Variants in CTNND2 observed in about 807,000 individuals in gnomAD.
CTNND2 encodes catenin delta 2, also known as catenin delta-2.
Under a neutral mutation model 144.4 loss-of-function variants are expected in CTNND2, and 22 were observed. That is an observed-to-expected ratio of 0.15 (90% CI 0.11 to 0.22). The LOEUF (loss-of-function observed/expected upper bound fraction) is 0.22, where lower values mean the gene tolerates loss of function less well. Among genes scored for constraint, CTNND2 ranks in the 10% least tolerant of loss-of-function variants. The pLI, the probability that CTNND2 is intolerant of heterozygous loss-of-function variation, is 1.00. For missense variants in CTNND2, 1,353 were observed against 1,618.8 expected, an observed-to-expected ratio of 0.84 and a Z score of 2.82; for synonymous variants, 751 against 695.6, an observed-to-expected ratio of 1.08 and a Z score of -1.25.
chr5:11,573,072 T>G (rs1250662748), intron 2 of CTNND2, among the ~76,000 whole-genome samples: 1 of 152,196 alleles, frequency 6.6e-6, no homozygotes, highest in African/African-American at 2.4e-5. Flanking sequence ...CTTGTTACAG[T>G]TCCAGCTAAT....
At chr5:11,334,354 G>C (rs1389317745) in intron 9 of CTNND2, among the ~76,000 whole-genome samples, 3 of 152,102 alleles carry the variant, frequency 2.0e-5, no homozygotes, top group Non-Finnish European at 2.9e-5. Flanking sequence ...GTATCTTAAG[G>C]TAATTTTACA....
intron 1 of CTNND2, among the ~76,000 whole-genome samples, chr5:11,856,631 C>A (rs906497385): frequency 1.3e-5 from 2 of 152,066 alleles, no homozygotes; most frequent in African/African-American, 4.8e-5. Flanking sequence ...GGAACTACAG[C>A]GGCAGAATGA....
chr5:11,405,810 T>C (rs1761046972), intron 5 of CTNND2, among the ~76,000 whole-genome samples: 1 of 152,090 alleles, frequency 6.6e-6, no homozygotes, highest in Non-Finnish European at 1.5e-5. Context: ...TCAAAAGGAA[T>C]GGTAGCATCA....
intron 11 of CTNND2, among the ~76,000 whole-genome samples, chr5:11,175,450 T>C (rs1180547910): frequency 6.6e-6 from 1 of 152,142 alleles, no homozygotes; most frequent in African/African-American, 2.4e-5. Context: ...TTTACAGAAA[T>C]AGAATCCCAG....
chr5:11,882,356 G>A (rs1046610795), intron 1 of CTNND2, among the ~76,000 whole-genome samples: 2 of 151,902 alleles, frequency 1.3e-5, no homozygotes, highest in African/African-American at 4.8e-5. Context: ...TTAGCTTCAG[G>A]TATTACAGTT....
intron 10 of CTNND2, among the ~76,000 whole-genome samples, chr5:11,234,714 C>A (rs1201118819): frequency 6.6e-6 from 1 of 152,230 alleles, no homozygotes; most frequent in Non-Finnish European, 1.5e-5. Context: ...TGACTTCAGA[C>A]TTCCCTGGGC....
chr5:11,470,980 A>ATATATATATATATATATATATTT (rs1219093645), intron 3 of CTNND2, among the ~76,000 whole-genome samples: 2 of 91,532 alleles, frequency 2.2e-5, no homozygotes, highest in African/African-American at 1.1e-4. Flanking sequence ...ATATATATAT[A>ATATATATATATATATATATATTT]TTTTTTTTTT....
intron 11 of CTNND2, among the ~76,000 whole-genome samples, chr5:11,171,312 T>C (rs1166682416): frequency 6.6e-6 from 1 of 152,190 alleles, no homozygotes; most frequent in Non-Finnish European, 1.5e-5. Flanking sequence ...AGCTGGGGTA[T>C]AAACACAGGC....
intron 9 of CTNND2, among the ~76,000 whole-genome samples, chr5:11,284,168 G>A (rs754529303): frequency 4.9e-4 from 74 of 152,308 alleles, no homozygotes; most frequent in African/African-American, 9.9e-4. Context: ...CATGGAGAGC[G>A]TGAGGCACCA....
chr5:11,815,539 T>C (rs1288975105), intron 1 of CTNND2, among the ~76,000 whole-genome samples: 1 of 152,194 alleles, frequency 6.6e-6, no homozygotes, highest in Non-Finnish European at 1.5e-5. Flanking sequence ...ACAACATTAA[T>C]GGATTATAAT....
intron 3 of CTNND2, 106 bp downstream of exon 3, chr5:11,564,838 G>C: frequency 2.8e-6 from 2 of 710,070 alleles, no homozygotes; most frequent in Admixed American, 2.4e-5. Flanking sequence ...TCCAACGTTT[G>C]ACTGAATGTT....
At chr5:11,640,054 T>C (rs1295274059) in intron 2 of CTNND2, among the ~76,000 whole-genome samples, 1 of 152,238 alleles carries the variant, frequency 6.6e-6, no homozygotes, top group Non-Finnish European at 1.5e-5. Flanking sequence ...TATTGTTGCA[T>C]GTTGAAAGAA....
intron 16 of CTNND2, among the ~76,000 whole-genome samples, chr5:11,035,853 T>C (rs1230529360): frequency 9.2e-5 from 3 of 32,558 alleles, no homozygotes; most frequent in Non-Finnish European, 1.5e-4. Flanking sequence ...AATAATGAAC[T>C]TGAAAAAAAA....
At chr5:11,435,135 T>TTATG (rs1316517110) in intron 3 of CTNND2, among the ~76,000 whole-genome samples, 2 of 150,862 alleles carry the variant, frequency 1.3e-5, no homozygotes, top group Non-Finnish European at 3.0e-5. Context: ...ATTTATTTAT[T>TTATG]TATTTATTTA....
At chr5:11,546,425 A>G (rs942460819) in intron 3 of CTNND2, among the ~76,000 whole-genome samples, 2 of 152,060 alleles carry the variant, frequency 1.3e-5, no homozygotes, top group African/African-American at 2.4e-5. Flanking sequence ...AAAAATTGTA[A>G]GATTTTTAGA....
intron 2 of CTNND2, among the ~76,000 whole-genome samples, chr5:11,602,989 T>C (rs976242513): frequency 2.6e-5 from 4 of 151,752 alleles, no homozygotes; most frequent in Non-Finnish European, 5.9e-5. Flanking sequence ...TACTTAAATA[T>C]TTTGATAAGT....
intron 16 of CTNND2, among the ~76,000 whole-genome samples, chr5:11,082,227 C>T (rs1342743926): frequency 6.6e-6 from 1 of 152,048 alleles, no homozygotes; most frequent in Admixed American, 6.6e-5. Context: ...CTCTTTTGTG[C>T]CTTATTAATA....
intron 3 of CTNND2, among the ~76,000 whole-genome samples, chr5:11,449,864 A>G (rs1765145940): frequency 6.6e-6 from 1 of 152,192 alleles, no homozygotes; most frequent in South Asian, 2.1e-4. Context: ...ACAGACATTC[A>G]GTAAATGTTG....
In CTNND2 at chr5:10,981,696, G is replaced by A. The variant is rs1243120651; in HGVS notation, c.3417+77C>T. The A allele has an allele frequency of 2.9e-6, 4 of 1,384,250 alleles. No homozygotes were observed. The African/African-American group carries it at 5.7e-5, about 20-fold the overall frequency. The allele number at this position is 1,384,250 out of a possible 1,614,324, so 85.7% of individuals were successfully genotyped here. Reference sequence around the variant, plus strand: ...AGTTCTTTATGTATGTTGGATGAAAGTTTATGTTTAAAATTCCAGGTTATT... The same window carrying A: ...AGTTCTTTATGTATGTTGGATGAAAATTTATGTTTAAAATTCCAGGTTATT... On this transcript the variant is annotated intron_variant, in intron 21 of 21. Coordinates refer to ENST00000304623, the MANE Select transcript of CTNND2 (RefSeq NM_001332.4).
Sources: gnomAD v4.1 joint callset for allele counts (sites outside exome capture counted in the v4.1 genomes callset) on GRCh38, gnomAD v4.1.1 for gene constraint, MANE v1.5 for transcripts, NCBI Gene and HGNC (gene_info 2026-07-23, HGNC 2026-07-21) for gene names.